Variants in COL9A3 observed in about 807,000 individuals in gnomAD.
COL9A3 encodes the protein collagen type IX alpha 3 chain.
In COL9A3, 82 loss-of-function variants were observed where a neutral mutation model predicts 110.2. The observed-to-expected ratio is 0.74, with a 90% CI of 0.62 to 0.89. The LOEUF is 0.89. Ranked by LOEUF, COL9A3 falls within the 40% of genes least tolerant of loss-of-function variation. COL9A3 has a pLI of 0.00. For missense variants in COL9A3, 1,066 were observed against 981.3 expected (o/e 1.09, Z -1.15); for synonymous variants, 494 against 403.8 (o/e 1.22, Z -2.68).
At chr20:62,832,215 A>C (rs1345349100) in intron 25 of COL9A3, 26 bp downstream of exon 25, 1 of 1,611,138 alleles carries the variant, frequency 6.2e-7, no homozygotes, top group Non-Finnish European at 8.5e-7. Flanking sequence ...GCTGGGGCAA[A>C]AGGAATGAAG....
chr20:62,832,747 T>C (rs1246692852), intron 25 of COL9A3: 17 of 273,190 alleles, frequency 6.2e-5, no homozygotes, highest in South Asian at 4.9e-4. Flanking sequence ...CTGGAGGGCC[T>C]GCAGCCATCG....
In COL9A3 at chr20:62,827,916, C is replaced by T. The variant is rs772693766; in HGVS notation, c.847-7C>T. ...GCCACTGCTTCTGTCACTTGTGTGTCCTCTAGGGCAGACCTGGTCCCAAGG... is the reference window on the plus strand; with the variant it reads ...GCCACTGCTTCTGTCACTTGTGTGTTCTCTAGGGCAGACCTGGTCCCAAGG... On this transcript the variant is annotated splice_region_variant and splice_polypyrimidine_tract_variant and intron_variant, in intron 16 of 31. Transcript: ENST00000649368. 2.1e-5 allele frequency: 34 copies of T among 1,612,928 alleles called. No individual in the cohort carries two copies. The highest frequency in any genetic ancestry group is 1.6e-4 in the East Asian group (7 of 44,886).
At chr20:62,821,125 A>T in intron 5 of COL9A3, 56 bp from the exon 6 acceptor site, 1 of 1,570,968 alleles carries the variant, frequency 6.4e-7, no homozygotes, top group Non-Finnish European at 8.7e-7. Context: ...GAGGGAGGGG[A>T]TTGGGTTTGC....
chr20:62,828,010 C>G (rs1307582125), intron 17 of COL9A3, 34 bp downstream of exon 17: 3 of 1,610,584 alleles, frequency 1.9e-6, no homozygotes, highest in Admixed American at 1.7e-5. Context: ...GAATGCTCCT[C>G]CCCCGGGTCC....
At chr20:62,817,274 C>A in intron 1 of COL9A3, 132 bp downstream of exon 1, 2 of 668,300 alleles carry the variant, frequency 3.0e-6, no homozygotes, top group African/African-American at 1.9e-5. Flanking sequence ...GCGGAGTCGC[C>A]AGCGCCTCGG....
chr20:62,817,220 C>G (rs1990957928), intron 1 of COL9A3, 78 bp downstream of exon 1: 13 of 1,073,604 alleles, frequency 1.2e-5, no homozygotes, highest in Non-Finnish European at 1.6e-5. Context: ...CTCCGGGGTG[C>G]CCGGCGCAGC....
At chr20:62,839,773 A>C (rs1479414457) in intron 31 of COL9A3, among the ~76,000 whole-genome samples, 5 of 83,410 alleles carry the variant, frequency 6.0e-5, no homozygotes, top group Admixed American at 1.4e-4. Flanking sequence ...CACCCACCCC[A>C]CCTCTCCCTG....
intron 10 of COL9A3, among the ~76,000 whole-genome samples, chr20:62,823,523 CCCGGGG>C (rs2063526968): frequency 6.6e-6 from 1 of 152,222 alleles, no homozygotes; most frequent in Non-Finnish European, 1.5e-5. Flanking sequence ...CTCACCCCAC[CCCGGGG>C]CCTAGGTGCC....
intron 9 of COL9A3, 77 bp from the exon 10 acceptor site, chr20:62,822,514 A>AGAGT: frequency 9.0e-7 from 1 of 1,109,110 alleles, no homozygotes; most frequent in Non-Finnish European, 1.2e-6. Flanking sequence ...GGTCCGTCAG[A>AGAGT]GAGTGGGTGG....
At chr20:62,828,114 C>T (rs748646267) in intron 17 of COL9A3, 138 bp downstream of exon 17, 11 of 842,674 alleles carry the variant, frequency 1.3e-5, no homozygotes, top group Admixed American at 1.0e-4. Context: ...GGTGGAACAG[C>T]CCCGCAGCCC....
In COL9A3 at chr20:62,819,953, C is replaced by T. The variant is rs35908728; in HGVS notation, c.280C>T (p.Pro94Ser). 15,931 of 1,612,860 alleles carry T rather than the reference C, an allele frequency of 9.9e-3. 1,035 individuals carry two copies. In the African/African-American group the frequency reaches 0.16, roughly 16 times the overall value. Reference sequence around the variant, plus strand: ...GGGTCTGACTGGACGAGATGGACCCCCTGGACCCAAGGGTGCCCCTGGGGA... The same window carrying T: ...GGGTCTGACTGGACGAGATGGACCCTCTGGACCCAAGGGTGCCCCTGGGGA... ...VDGLTGRDGPPGPKGAPGERG... is the reference protein window; with the variant it reads ...VDGLTGRDGPSGPKGAPGERG... Residue 94 changes from proline (P) to serine (S), a missense_variant, in exon 5 of 32, where the codon CCT (proline) becomes TCT (serine). Coordinates refer to ENST00000649368, the MANE Select transcript of COL9A3 (RefSeq NM_001853.4).
At position 62,824,497 on chromosome 20, in the gene COL9A3, T is replaced by A; in HGVS notation, c.572T>A (p.Phe191Tyr). The A allele has an allele frequency of 1.9e-6, 3 of 1,592,896 alleles. No individual in the cohort carries two copies. The highest frequency in any genetic ancestry group is 2.6e-6 in the Non-Finnish European group (3 of 1,170,428). The change falls in exon 11 of 32, where the codon TTC (phenylalanine) becomes TAC (tyrosine). Residue 191 changes from phenylalanine to tyrosine, a missense_variant. Transcript: ENST00000649368. The part of the protein sequence containing the change: ...GPPGPPGMPG[F>Y]KGPTGYKGEQ... ...CCAGGGCCCCCTGGAATGCCAGGGT[T>A]CAAGGTGAGTCACGGGTGACTGGGA...
At position 62,829,834 on chromosome 20, in the gene COL9A3, A is replaced by G. The variant is rs568967794; in HGVS notation, c.1161+15A>G. ...GGGGCTCAGCGGTGAGTGCAGGGACATGGCCCGGGGTCGGGGGTTAGCACT... is the reference window on the plus strand; with the variant it reads ...GGGGCTCAGCGGTGAGTGCAGGGACGTGGCCCGGGGTCGGGGGTTAGCACT... On this transcript the variant is annotated intron_variant, in intron 22 of 31. Coordinates refer to ENST00000649368, the MANE Select transcript of COL9A3 (RefSeq NM_001853.4). The G allele has an allele frequency of 2.6e-6, 4 of 1,557,204 alleles. No individual in the cohort carries two copies. The highest frequency in any genetic ancestry group is 1.4e-5 in the African/African-American group (1 of 73,918).
At chr20:62,819,637 G>A (rs1223203906) in intron 4 of COL9A3, among the ~76,000 whole-genome samples, 2 of 152,232 alleles carry the variant, frequency 1.3e-5, no homozygotes, top group Non-Finnish European at 2.9e-5. Context: ...TTGTTCGGAG[G>A]AAGCCGGGCC....
chr20:62,827,944 AC>A lies in COL9A3; in HGVS notation c.873del (p.Gly292GlufsTer241), dbSNP rs779946179. On this transcript the variant is annotated frameshift_variant, in exon 17 of 32. Transcript: ENST00000649368. LOFTEE classifies it high-confidence loss of function. ...CTAGGGCAGACCTGGTCCCAAGGGA[AC>A]CCCCGGAGTGGCCGGGCCAAGCGGA... ...GDLGRPGPKGTPGVAGPSGEP... is the reference protein window; with the variant it reads ...GDLGRPGPKGXPGVAGPSGEP... The A allele has an allele frequency of 6.2e-7, 1 of 1,612,718 alleles. No individual in the cohort carries two copies. Among genetic ancestry groups the A allele is most frequent in the Non-Finnish European group, 8.5e-7 (1 of 1,179,958 alleles).
rs34689750 is a variant in COL9A3, at chr20:62,827,776, C to A, written c.847-147C>A. 0.15 allele frequency: 120,069 copies of A among 805,952 alleles called. 9,913 individuals carry two copies. The highest frequency in any genetic ancestry group is 0.19 in the African/African-American group (11,238 of 59,600). The allele number at this position is 805,952 out of a possible 1,614,324, so 49.9% of individuals were successfully genotyped here. On this transcript the variant is annotated intron_variant, in intron 16 of 31. Coordinates refer to ENST00000649368, the MANE Select transcript of COL9A3 (RefSeq NM_001853.4). The stretch of plus-strand genomic sequence containing the variant: ...GGATCCAAACACAGTTTTCTCCACG[C>A]ACCCACAGGCCCCAGGGTGGTGGTC...
At chr20:62,839,417 C>G (rs1053018498) in intron 31 of COL9A3, among the ~76,000 whole-genome samples, 3 of 152,222 alleles carry the variant, frequency 2.0e-5, no homozygotes, top group Non-Finnish European at 2.9e-5. Flanking sequence ...TGCTTTGTCA[C>G]GGAGGGAGGC....
chr20:62,817,053 C>G lies in COL9A3; in HGVS notation c.-12C>G. 6.0e-6 allele frequency: 8 copies of G among 1,329,784 alleles called. No homozygotes were observed. The highest frequency in any genetic ancestry group is 7.7e-6 in the Non-Finnish European group (8 of 1,033,688). The allele number at this position is 1,329,784 out of a possible 1,614,324, so 82.4% of individuals were successfully genotyped here. ...GCCCGCCCCGACGCCGCAGCTCAGA[C>G]TCCGCTCAGCCATGGCCGGGCCGCG... On this transcript the variant is annotated 5_prime_UTR_variant, in exon 1 of 32. Coordinates refer to ENST00000649368, the MANE Select transcript of COL9A3 (RefSeq NM_001853.4).
intron 31 of COL9A3, among the ~76,000 whole-genome samples, chr20:62,840,216 C>G (rs548555257): frequency 2.6e-5 from 4 of 151,970 alleles, no homozygotes; most frequent in South Asian, 2.1e-4. Context: ...CACAACCCCC[C>G]ACTCCGGGCC....
Sources: gnomAD v4.1 joint callset for allele counts (sites outside exome capture counted in the v4.1 genomes callset) on GRCh38, gnomAD v4.1.1 for gene constraint, MANE v1.5 for transcripts, NCBI Gene and HGNC (gene_info 2026-07-23, HGNC 2026-07-21) for gene names.